Variants in VPS13B observed in about 807,000 individuals in gnomAD.
VPS13B encodes the protein intermembrane lipid transfer protein VPS13B.
A neutral mutation model predicts 426.4 loss-of-function variants in VPS13B; 285 were observed. That is an observed-to-expected ratio of 0.67 (90% CI 0.61 to 0.74). The LOEUF is 0.74. VPS13B is among the 30% of genes least tolerant of loss of function. The probability of loss-of-function intolerance (pLI) is 0.00; values close to 1 mark genes in which losing one functional copy is unlikely to be tolerated. For missense variants in VPS13B, 4,537 were observed against 4,782.6 expected, an observed-to-expected ratio of 0.95 and a Z score of 1.51; for synonymous variants, 1,676 against 1,676.4, an observed-to-expected ratio of 1.00 and a Z score of 0.01.
intron 21 of VPS13B, among the ~76,000 whole-genome samples, chr8:99,428,625 C>G (rs547376717): frequency 3.3e-5 from 5 of 152,118 alleles, no homozygotes; most frequent in African/African-American, 1.2e-4. Flanking sequence ...ATTAAAAAGT[C>G]AGGAAACAAC....
chr8:99,294,291 CA>C (rs1365449456), intron 19 of VPS13B, among the ~76,000 whole-genome samples: 4 of 99,752 alleles, frequency 4.0e-5, no homozygotes, highest in African/African-American at 1.6e-4. Flanking sequence ...ATCACAAGAA[CA>C]AAAAACCAAA....
chr8:99,589,166 T>C (rs1175201385), intron 33 of VPS13B, among the ~76,000 whole-genome samples: 1 of 151,808 alleles, frequency 6.6e-6, no homozygotes, highest in Non-Finnish European at 1.5e-5. Flanking sequence ...TCATGGTGGA[T>C]AAACTTTTTG....
intron 19 of VPS13B, among the ~76,000 whole-genome samples, chr8:99,293,005 G>T (rs891638441): frequency 6.6e-6 from 1 of 152,084 alleles, no homozygotes; most frequent in African/African-American, 2.4e-5. Context: ...TCTATAGTTT[G>T]TTACTAGAGA....
intron 23 of VPS13B, among the ~76,000 whole-genome samples, chr8:99,453,387 A>G (rs1163265826): frequency 6.6e-6 from 1 of 152,192 alleles, no homozygotes; most frequent in African/African-American, 2.4e-5. Context: ...CTAACTTCCA[A>G]TTTGTTTTTG....
chr8:99,567,088 T>TA (rs1232691579), intron 31 of VPS13B, among the ~76,000 whole-genome samples: 1 of 152,172 alleles, frequency 6.6e-6, no homozygotes, highest in Non-Finnish European at 1.5e-5. Context: ...AAATGAAATT[T>TA]AAAAAATCTC....
At chr8:99,210,544 A>AT in intron 17 of VPS13B, among the ~76,000 whole-genome samples, 1 of 152,256 alleles carries the variant, frequency 6.6e-6, no homozygotes, top group South Asian at 2.1e-4. Context: ...TCGAAACTAT[A>AT]TTTGAAAGCT....
intron 17 of VPS13B, among the ~76,000 whole-genome samples, chr8:99,229,527 T>C (rs1816206959): frequency 6.6e-6 from 1 of 152,160 alleles, no homozygotes; most frequent in African/African-American, 2.4e-5. Flanking sequence ...TTTGACACTA[T>C]GTACTAGGGT....
intron 30 of VPS13B, among the ~76,000 whole-genome samples, chr8:99,554,444 T>C (rs1824442425): frequency 6.6e-6 from 1 of 152,154 alleles, no homozygotes; most frequent in African/African-American, 2.4e-5. Context: ...TTAAAGACTA[T>C]GTGCTCTTAT....
chr8:99,750,109 A>G (rs1810318534), intron 39 of VPS13B, among the ~76,000 whole-genome samples: 1 of 152,130 alleles, frequency 6.6e-6, no homozygotes, highest in South Asian at 2.1e-4. Context: ...TGTGTGTTTG[A>G]AATGGTTTAT....
intron 17 of VPS13B, among the ~76,000 whole-genome samples, chr8:99,212,958 T>C (rs888268508): frequency 6.6e-6 from 1 of 152,210 alleles, no homozygotes; most frequent in African/African-American, 2.4e-5. Context: ...ATTCTTTCTT[T>C]AGGATTAGTC....
intron 31 of VPS13B, among the ~76,000 whole-genome samples, chr8:99,572,169 G>A (rs1379708201): frequency 6.6e-6 from 1 of 152,078 alleles, no homozygotes; most frequent in Non-Finnish European, 1.5e-5. Flanking sequence ...GCTTGCTAAC[G>A]AAACATAAAT....
At chr8:99,367,042 A>G (rs923161761) in intron 19 of VPS13B, among the ~76,000 whole-genome samples, 1 of 152,206 alleles carries the variant, frequency 6.6e-6, no homozygotes, top group Non-Finnish European at 1.5e-5. Flanking sequence ...GTACACCACA[A>G]TTACAGCATT....
At chr8:99,582,577 T>C (rs1826116027) in intron 33 of VPS13B, among the ~76,000 whole-genome samples, 1 of 152,222 alleles carries the variant, frequency 6.6e-6, no homozygotes, top group Non-Finnish European at 1.5e-5. Context: ...TATTGTTCAT[T>C]GCTTAGTGAA....
At chr8:99,468,775 C>A (rs574307705) in intron 24 of VPS13B, among the ~76,000 whole-genome samples, 2 of 152,250 alleles carry the variant, frequency 1.3e-5, no homozygotes, top group South Asian at 4.2e-4. Context: ...CAGTATTAAT[C>A]ATAAATGTTA....
chr8:99,747,422 C>G (rs903290942), intron 39 of VPS13B, among the ~76,000 whole-genome samples: 1 of 151,982 alleles, frequency 6.6e-6, no homozygotes, highest in Admixed American at 6.6e-5. Flanking sequence ...TGAAAAAATT[C>G]ATAATTCTTT....
At chr8:99,127,636 C>A (rs1249560212) in intron 8 of VPS13B, among the ~76,000 whole-genome samples, 1 of 152,134 alleles carries the variant, frequency 6.6e-6, no homozygotes, top group Admixed American at 6.5e-5. Flanking sequence ...ACTTTTTGAT[C>A]TCAAGGCTCC....
chr8:99,184,080 G>A (rs1813086654), intron 16 of VPS13B, among the ~76,000 whole-genome samples: 1 of 152,112 alleles, frequency 6.6e-6, no homozygotes, highest in South Asian at 2.1e-4. Flanking sequence ...TTGCTAAATA[G>A]TAGTCAATTG....
rs1281677106 is a variant in VPS13B, at chr8:99,216,987, T to TA, written c.2515+23936dup. On this transcript the variant is annotated intron_variant, in intron 17 of 61. Transcript: ENST00000357162. The stretch of plus-strand genomic sequence containing the variant: ...AGGCTATTATCAAGAAGAAAGTATC[T>TA]AAAAAATGGCACATTAGCTTTTCTT... Among the ~76,000 whole-genome samples the TA allele has an allele frequency of 3.9e-5, 6 of 152,254 alleles. No individual in the cohort carries two copies. In the East Asian group the frequency reaches 5.8e-4, roughly 15 times the overall value.
chr8:99,716,123 C>A (rs941247399), intron 36 of VPS13B, among the ~76,000 whole-genome samples: 2 of 152,058 alleles, frequency 1.3e-5, no homozygotes, highest in African/African-American at 4.8e-5. Context: ...TATTTTTAAA[C>A]CAAAGTCTTA....
Sources: allele counts gnomAD v4.1 joint callset (sites outside exome capture counted in the v4.1 genomes callset), GRCh38; gene constraint gnomAD v4.1.1; transcripts MANE v1.5; gene names NCBI Gene and HGNC (gene_info 2026-07-23, HGNC 2026-07-21).